Variants in KCNT2 observed in about 807,000 individuals in gnomAD.
KCNT2 encodes potassium channel subfamily T member 2.
KCNT2 carries 67 observed loss-of-function variants against 153.8 expected under a neutral mutation model. The observed-to-expected ratio is 0.44, with a 90% CI of 0.36 to 0.53. KCNT2 has a LOEUF of 0.53. Among genes scored for constraint, KCNT2 ranks in the 20% least tolerant of loss-of-function variants. The probability of loss-of-function intolerance (pLI) is 0.00; values close to 1 mark genes in which losing one functional copy is unlikely to be tolerated. For missense variants in KCNT2, 975 were observed against 1,354.8 expected, an observed-to-expected ratio of 0.72 and a Z score of 4.40; for synonymous variants, 500 against 458.8, an observed-to-expected ratio of 1.09 and a Z score of -1.15.
intron 2 of KCNT2, among the ~76,000 whole-genome samples, 177 bp downstream of exon 2, chr1:196,492,085 T>A (rs2148733126): frequency 6.6e-6 from 1 of 152,214 alleles, no homozygotes; most frequent in East Asian, 1.9e-4. Context: ...GCCTATACTT[T>A]TCTAAAATGT....
At chr1:196,479,334 T>G (rs1678805817) in intron 4 of KCNT2, 96 bp from the exon 5 acceptor site, 1 of 695,526 alleles carries the variant, frequency 1.4e-6, no homozygotes, top group Non-Finnish European at 2.5e-6. Context: ...TATATGTGCA[T>G]GTATACATAT....
intron 25 of KCNT2, among the ~76,000 whole-genome samples, chr1:196,258,861 A>T (rs573017159): frequency 3.7e-4 from 57 of 152,272 alleles, no homozygotes; most frequent in Non-Finnish European, 7.5e-4. Context: ...AATAAAATCC[A>T]TGTAATGGAC....
At chr1:196,533,100 A>G (rs575757558) in intron 1 of KCNT2, among the ~76,000 whole-genome samples, 6 of 152,260 alleles carry the variant, frequency 3.9e-5, no homozygotes, top group African/African-American at 1.4e-4. Context: ...ATGAAATAAA[A>G]TGTGCATTTT....
chr1:196,475,450 T>C (rs1257407677), intron 5 of KCNT2, among the ~76,000 whole-genome samples: 1 of 151,916 alleles, frequency 6.6e-6, no homozygotes, highest in Non-Finnish European at 1.5e-5. Context: ...AAACCCCATC[T>C]CTTAAAAAAA....
chr1:196,287,335 G>C (rs927937990), intron 22 of KCNT2, among the ~76,000 whole-genome samples: 1 of 151,976 alleles, frequency 6.6e-6, no homozygotes, highest in Non-Finnish European at 1.5e-5. Context: ...GGTGTAACAA[G>C]TATCCTGGAG....
At chr1:196,578,085 A>G (rs1661581944) in intron 1 of KCNT2, among the ~76,000 whole-genome samples, 1 of 152,138 alleles carries the variant, frequency 6.6e-6, no homozygotes, top group Non-Finnish European at 1.5e-5. Flanking sequence ...CTGCTGTAGT[A>G]GCTCATTGAT....
chr1:196,561,207 C>A (rs1659335519), intron 1 of KCNT2, among the ~76,000 whole-genome samples: 1 of 151,240 alleles, frequency 6.6e-6, no homozygotes, highest in Non-Finnish European at 1.5e-5. Flanking sequence ...CAGGGCATCA[C>A]ATTATATCCC....
Position 196,225,872 on chromosome 1 carries a change from C to T in KCNT2, c.*2352G>A, listed in dbSNP as rs1217640669. ...ACAGACAATAAACAGAATCAATTCCCATTGGGCTACAAGGACTATTATTGA... is the reference window on the plus strand; with the variant it reads ...ACAGACAATAAACAGAATCAATTCCTATTGGGCTACAAGGACTATTATTGA... On this transcript the variant is annotated 3_prime_UTR_variant, in exon 28 of 28. Coordinates refer to ENST00000294725, the MANE Select transcript of KCNT2 (RefSeq NM_198503.5). 1 of 151,962 alleles carries T rather than the reference C, an allele frequency of 6.6e-6. No individual in the cohort carries two copies. The highest frequency in any genetic ancestry group is 1.5e-5 in the Non-Finnish European group (1 of 67,950). The allele number at this position is 151,962 out of a possible 1,614,324, so 9.4% of individuals were successfully genotyped here.
chr1:196,371,151 A>G (rs1168820606), intron 14 of KCNT2, among the ~76,000 whole-genome samples: 1 of 147,566 alleles, frequency 6.8e-6, no homozygotes, highest in East Asian at 2.0e-4. Context: ...TGGAAGGCCA[A>G]GTCAGATGGA....
Position 196,411,179 on chromosome 1 carries a change from A to T in KCNT2, c.1185+11871T>A, listed in dbSNP as rs1672296920. On this transcript the variant is annotated intron_variant, in intron 12 of 27. Coordinates refer to ENST00000294725, the MANE Select transcript of KCNT2 (RefSeq NM_198503.5). ...TTTTTTTCCTTCTGTTGAAGAGACT[A>T]TCCTTTCCACATTGTGTTTTCTTGA... Among the ~76,000 whole-genome samples the T allele has an allele frequency of 3.4e-5, 5 of 147,130 alleles. No homozygotes were observed. In the Admixed American group the frequency reaches 3.4e-4, roughly 10 times the overall value.
intron 1 of KCNT2, among the ~76,000 whole-genome samples, chr1:196,599,423 G>C (rs1664460232): frequency 1.3e-5 from 2 of 152,122 alleles, no homozygotes; most frequent in Non-Finnish European, 2.9e-5. Context: ...CCAGTTCACT[G>C]TTTCTTAGAT....
chr1:196,415,430 T>C (rs1278731801), intron 12 of KCNT2, among the ~76,000 whole-genome samples: 2 of 151,860 alleles, frequency 1.3e-5, no homozygotes, highest in Non-Finnish European at 2.9e-5. Flanking sequence ...CGTGGTGTCC[T>C]GTATGCTAAC....
intron 10 of KCNT2, among the ~76,000 whole-genome samples, chr1:196,427,813 C>T (rs1673786638): frequency 6.6e-6 from 1 of 151,886 alleles, no homozygotes. Flanking sequence ...TTATGCTCTA[C>T]CCAAGGGAGA....
chr1:196,232,193 T>C (rs1446957284), intron 27 of KCNT2, among the ~76,000 whole-genome samples: 1 of 151,794 alleles, frequency 6.6e-6, no homozygotes, highest in East Asian at 1.9e-4. Context: ...TTACTTTAAA[T>C]ATCAATAGCA....
At chr1:196,602,055 A>C (rs1439886150) in intron 1 of KCNT2, among the ~76,000 whole-genome samples, 2 of 152,152 alleles carry the variant, frequency 1.3e-5, no homozygotes, top group East Asian at 1.9e-4. Context: ...ATATCCAATC[A>C]AGGATTGTGA....
intron 14 of KCNT2, among the ~76,000 whole-genome samples, chr1:196,357,240 T>C (rs1001991973): frequency 2.8e-4 from 42 of 152,056 alleles, no homozygotes; most frequent in African/African-American, 9.6e-4. Flanking sequence ...ATAGAGTTCA[T>C]TGAGAGTCAA....
chr1:196,267,806 CA>C (rs1387427964), intron 25 of KCNT2, among the ~76,000 whole-genome samples: 2 of 152,100 alleles, frequency 1.3e-5, no homozygotes, highest in South Asian at 4.1e-4. Flanking sequence ...ACATAGCCAC[CA>C]AAGACTCTAT....
At position 196,422,630 on chromosome 1, in the gene KCNT2, C is replaced by A. The variant is rs563269970; in HGVS notation, c.1185+420G>T. ...TTAAAAATACAGAGATTGTTGATTA[C>A]CACCCCAAATATCTTGAATAGAAGG... On this transcript the variant is annotated intron_variant, in intron 12 of 27. Coordinates refer to ENST00000294725, the MANE Select transcript of KCNT2 (RefSeq NM_198503.5). 3.3e-5 allele frequency among the ~76,000 whole-genome samples: 5 copies of A among 151,890 alleles called. No individual in the cohort carries two copies. The South Asian group carries it at 1.0e-3, about 31-fold the overall frequency.
intron 4 of KCNT2, among the ~76,000 whole-genome samples, chr1:196,480,095 T>C (rs2148700338): frequency 6.6e-6 from 1 of 152,254 alleles, no homozygotes; most frequent in East Asian, 1.9e-4. Flanking sequence ...ACCAAAAATA[T>C]ATTACTGTGC....
Sources: allele counts gnomAD v4.1 joint callset (sites outside exome capture counted in the v4.1 genomes callset), GRCh38; gene constraint gnomAD v4.1.1; transcripts MANE v1.5; gene names NCBI Gene and HGNC (gene_info 2026-07-23, HGNC 2026-07-21).